The following ENTREP2 variants were observed in gnomAD, a reference collection of about 807,000 sequenced individuals.
ENTREP2 encodes the protein endosomal transmembrane epsin interactor 2.
chr15:29,143,552 C>G, the ENTREP2 span, among the ~76,000 whole-genome samples: 2 of 152,136 alleles, frequency 1.3e-5, no homozygotes, highest in Non-Finnish European at 2.9e-5. Flanking sequence ...CAACAGGGCA[C>G]CAGAGAAGGG....
At chr15:29,480,338 CAAAAAAAA>C in the ENTREP2 span, among the ~76,000 whole-genome samples, 467 of 29,418 alleles carry the variant, frequency 0.016, 3 homozygotes, top group African/African-American at 0.041. Context: ...TTCACTATAG[CAAAAAAAA>C]AAAAAAAAAA....
At chr15:29,245,113 T>C in the ENTREP2 span, among the ~76,000 whole-genome samples, 1 of 152,174 alleles carries the variant, frequency 6.6e-6, no homozygotes, top group Non-Finnish European at 1.5e-5. Flanking sequence ...TTCAACTGCT[T>C]GTACAGTTCA....
At chr15:29,448,214 T>C in the ENTREP2 span, among the ~76,000 whole-genome samples, 14 of 152,188 alleles carry the variant, frequency 9.2e-5, no homozygotes, top group Non-Finnish European at 1.9e-4. Context: ...GGGTCACCAT[T>C]CTCCGTTGAC....
chr15:29,659,562 G>A, the ENTREP2 span, among the ~76,000 whole-genome samples: 6 of 152,080 alleles, frequency 3.9e-5, no homozygotes, highest in Admixed American at 3.3e-4. Flanking sequence ...TGGAACCACA[G>A]TAATAATGCA....
the ENTREP2 span, among the ~76,000 whole-genome samples, chr15:29,178,679 A>G: frequency 1.3e-5 from 2 of 152,020 alleles, no homozygotes; most frequent in Non-Finnish European, 2.9e-5. Context: ...TATAAAAGAA[A>G]AGCCCTTTTC....
At chr15:29,555,660 G>A in the ENTREP2 span, among the ~76,000 whole-genome samples, 4 of 152,086 alleles carry the variant, frequency 2.6e-5, no homozygotes, top group African/African-American at 9.7e-5. Flanking sequence ...TCCCCCACCT[G>A]CGCCAGGCAG....
At chr15:29,378,916 C>T in the ENTREP2 span, among the ~76,000 whole-genome samples, 3 of 152,210 alleles carry the variant, frequency 2.0e-5, no homozygotes, top group East Asian at 1.9e-4. Flanking sequence ...ATTGTGAATG[C>T]CTTTACTCCT....
the ENTREP2 span, among the ~76,000 whole-genome samples, chr15:29,461,514 C>T: frequency 6.6e-6 from 1 of 152,086 alleles, no homozygotes; most frequent in Non-Finnish European, 1.5e-5. Flanking sequence ...CGGAGTCTTG[C>T]TCTGTCGCCC....
chr15:29,376,863 C>T, the ENTREP2 span: 12 of 152,262 alleles, frequency 7.9e-5, no homozygotes, highest in African/African-American at 2.9e-4. Context: ...AGCACCAAAA[C>T]GCTCCAGCAG....
the ENTREP2 span, among the ~76,000 whole-genome samples, chr15:29,192,970 A>T: frequency 2.0e-5 from 3 of 152,232 alleles, no homozygotes; most frequent in Non-Finnish European, 2.9e-5. Context: ...ATAGGAGGGT[A>T]CTTCTACAAC....
chr15:29,263,783 T>C, the ENTREP2 span, among the ~76,000 whole-genome samples: 1 of 152,144 alleles, frequency 6.6e-6, no homozygotes. Flanking sequence ...CAACCTTGTT[T>C]CTGAATTCCA....
the ENTREP2 span, among the ~76,000 whole-genome samples, chr15:29,624,333 G>GCACA: frequency 0.016 from 2,397 of 151,106 alleles, 70 homozygotes; most frequent in African/African-American, 0.055. Flanking sequence ...ATGCACGTGC[G>GCACA]CACACACACA....
the ENTREP2 span, among the ~76,000 whole-genome samples, chr15:29,260,281 G>A: frequency 6.6e-6 from 1 of 152,228 alleles, no homozygotes; most frequent in Non-Finnish European, 1.5e-5. Flanking sequence ...TACAAGAAAA[G>A]TAAACCATAG....
chr15:29,145,622 C>CAAAAAAAAAA, the ENTREP2 span, among the ~76,000 whole-genome samples: 1 of 58,246 alleles, frequency 1.7e-5, no homozygotes, highest in African/African-American at 7.3e-5. Flanking sequence ...GACTCCATCT[C>CAAAAAAAAAA]AAAAAAAAAA....
At chr15:29,547,063 A>C in the ENTREP2 span, among the ~76,000 whole-genome samples, 1 of 151,028 alleles carries the variant, frequency 6.6e-6, no homozygotes, top group East Asian at 2.0e-4. Flanking sequence ...GAAACAGAAC[A>C]ACCACTGAAA....
the ENTREP2 span, among the ~76,000 whole-genome samples, chr15:29,654,979 GCTGTTTCTATCT>G: frequency 2.6e-5 from 4 of 152,140 alleles, no homozygotes; most frequent in African/African-American, 2.4e-5. Context: ...TATTAGTTAT[GCTGTTTCTATCT>G]CTGTTTCTAT....
At chr15:29,601,388 T>C in the ENTREP2 span, among the ~76,000 whole-genome samples, 1 of 151,988 alleles carries the variant, frequency 6.6e-6, no homozygotes, top group East Asian at 1.9e-4. Flanking sequence ...TGTCATAAAA[T>C]ATATCTGAGA....
chr15:29,617,875 C>T, the ENTREP2 span, among the ~76,000 whole-genome samples: 20 of 152,188 alleles, frequency 1.3e-4, no homozygotes, highest in African/African-American at 4.6e-4. Context: ...TCAGCCCTCT[C>T]GGGCAGAAGG....
chr15:29,606,149 C>A, the ENTREP2 span, among the ~76,000 whole-genome samples: 32 of 152,004 alleles, frequency 2.1e-4, no homozygotes, highest in African/African-American at 6.5e-4. Context: ...ATGGTTCCTC[C>A]TCCATCCATT....
Sources: gnomAD v4.1 joint callset for allele counts (sites outside exome capture counted in the v4.1 genomes callset) on GRCh38, gnomAD v4.1.1 for gene constraint, MANE v1.5 for transcripts, NCBI Gene and HGNC (gene_info 2026-07-23, HGNC 2026-07-21) for gene names.